SDC3: variants seen among roughly 807,000 people sequenced by gnomAD.
The protein encoded by SDC3 is syndecan 3.
SDC3 carries 13 observed loss-of-function variants against 24.4 expected under a neutral mutation model. The observed-to-expected ratio is 0.53, with a 90% CI of 0.35 to 0.85. SDC3 has a LOEUF of 0.85. SDC3 is among the 40% of genes least tolerant of loss of function. The pLI, the probability that SDC3 is intolerant of heterozygous loss-of-function variation, is 0.01. For missense variants in SDC3, 571 were observed against 584.5 expected (o/e 0.98, Z 0.24); for synonymous variants, 295 against 260.9 (o/e 1.13, Z -1.26).
intron 1 of SDC3, among the ~76,000 whole-genome samples, chr1:30,900,716 T>C (rs547675623): frequency 1.3e-5 from 2 of 152,230 alleles, no homozygotes; most frequent in East Asian, 1.9e-4. Flanking sequence ...CGCAATCGAA[T>C]TGGCAATCAG....
intron 1 of SDC3, among the ~76,000 whole-genome samples, chr1:30,886,180 G>C (rs958892873): frequency 2.0e-5 from 3 of 151,292 alleles, no homozygotes; most frequent in Non-Finnish European, 4.4e-5. Context: ...CTTCAGGCCT[G>C]TTCCTGCTTC....
chr1:30,893,286 CA>C (rs1639932832), intron 1 of SDC3, among the ~76,000 whole-genome samples: 11 of 80,414 alleles, frequency 1.4e-4, no homozygotes, highest in South Asian at 6.0e-4. Flanking sequence ...GGTCCATACC[CA>C]CCCCACCCAC....
At position 30,875,845 on chromosome 1, in the gene SDC3, T is replaced by C. The variant is rs187246198; in HGVS notation, c.870+707A>G. 7.9e-5 allele frequency among the ~76,000 whole-genome samples: 12 copies of C among 152,296 alleles called. No individual in the cohort carries two copies. The East Asian group carries it at 2.3e-3, about 29-fold the overall frequency. Reference sequence around the variant, plus strand: ...CTTCACCTCCCTGTGCACCCACAGTTGCTCGTCTGTAAAATGAGATGACCA... The same window carrying C: ...CTTCACCTCCCTGTGCACCCACAGTCGCTCGTCTGTAAAATGAGATGACCA... On this transcript the variant is annotated intron_variant, in intron 3 of 4. Coordinates refer to ENST00000339394, the MANE Select transcript of SDC3 (RefSeq NM_014654.4).
rs530692521 is a variant in SDC3 at position 30,884,097 on chromosome 1, C to T, written c.139-5357G>A. Among the ~76,000 whole-genome samples, 7 of 152,198 alleles carry T rather than the reference C, an allele frequency of 4.6e-5. No individual in the cohort carries two copies. In the South Asian group the frequency reaches 1.5e-3, roughly 32 times the overall value. On this transcript the variant is annotated intron_variant, in intron 1 of 4. Coordinates refer to ENST00000339394, the MANE Select transcript of SDC3 (RefSeq NM_014654.4). The stretch of plus-strand genomic sequence containing the variant: ...GGATGTCTCAGTCCCCACCCCCACC[C>T]AGCCACAGCTGCCCTGGCCAGGAAG...
At chr1:30,895,251 C>CT (rs757276165) in intron 1 of SDC3, among the ~76,000 whole-genome samples, 7 of 152,192 alleles carry the variant, frequency 4.6e-5, no homozygotes, top group Non-Finnish European at 1.0e-4. Flanking sequence ...ACGCAAACCC[C>CT]TAACCCAAAC....
intron 1 of SDC3, among the ~76,000 whole-genome samples, chr1:30,886,878 TG>T (rs1312874668): frequency 6.6e-6 from 1 of 152,150 alleles, no homozygotes; most frequent in African/African-American, 2.4e-5. Flanking sequence ...ATTTCACAGA[TG>T]GGCAAACTAA....
At chr1:30,898,983 C>A (rs1638345369) in intron 1 of SDC3, among the ~76,000 whole-genome samples, 1 of 152,248 alleles carries the variant, frequency 6.6e-6, no homozygotes, top group African/African-American at 2.4e-5. Flanking sequence ...CCTCCCACCA[C>A]TCCTCACCAC....
chr1:30,878,444 C>T (rs1263918159), intron 2 of SDC3, 179 bp downstream of exon 2: 2 of 582,638 alleles, frequency 3.4e-6, no homozygotes, highest in Non-Finnish European at 6.2e-6. Context: ...CTTGTTCTAT[C>T]CCCAGAAGGA....
intron 1 of SDC3, among the ~76,000 whole-genome samples, chr1:30,892,220 A>G (rs2124331617): frequency 6.6e-6 from 1 of 152,118 alleles, no homozygotes; most frequent in Non-Finnish European, 1.5e-5. Context: ...TCCACTCCTC[A>G]TGTGTCACCT....
At chr1:30,893,315 C>CCA (rs1553139124) in intron 1 of SDC3, among the ~76,000 whole-genome samples, 2 of 126,946 alleles carry the variant, frequency 1.6e-5, no homozygotes, top group African/African-American at 3.2e-5. Context: ...CCCCCCCCCC[C>CCA]CCACCATGTC....
intron 1 of SDC3, among the ~76,000 whole-genome samples, chr1:30,902,220 T>TA (rs1392112297): frequency 2.0e-5 from 3 of 151,918 alleles, no homozygotes; most frequent in South Asian, 2.1e-4. Flanking sequence ...AGCAGCCAGG[T>TA]AAAAAAAGGG....
In SDC3 at chr1:30,872,004, A is replaced by C. The variant is rs1263828923; in HGVS notation, c.*1207T>G. On this transcript the variant is annotated 3_prime_UTR_variant, in exon 5 of 5. Transcript: ENST00000339394. ...CTGTGGCCCCACACTTTTTCCGAGA[A>C]AGGCAAGGGCCTGCCTGTTTCCCTC... The C allele has an allele frequency of 1.3e-5, 2 of 152,374 alleles. No homozygotes were observed. Among genetic ancestry groups the C allele is most frequent in the East Asian group, 3.9e-4 (2 of 5,180 alleles). The allele number at this position is 152,374 out of a possible 1,614,324, so 9.4% of individuals were successfully genotyped here.
chr1:30,899,890 AC>A (rs1638377921), intron 1 of SDC3, among the ~76,000 whole-genome samples: 1 of 152,190 alleles, frequency 6.6e-6, no homozygotes, highest in Non-Finnish European at 1.5e-5. Context: ...GGCTTCATAT[AC>A]AGCAGGTGCT....
chr1:30,878,678 A>G lies in SDC3; in HGVS notation c.201T>C (p.Asp67=), dbSNP rs1639690557. 1 of 1,614,206 alleles carries G rather than the reference A, an allele frequency of 6.2e-7. No homozygotes were observed. Among genetic ancestry groups the G allele is most frequent in the Non-Finnish European group, 8.5e-7 (1 of 1,180,030 alleles). The change falls in exon 2 of 5, where the codon GAT becomes GAC. Residue 67 remains aspartate (D), a synonymous_variant. Coordinates refer to ENST00000339394, the MANE Select transcript of SDC3 (RefSeq NM_014654.4). The part of the protein sequence containing the change: ...RPVDLEGSGD[D]DSFPDDELDD... ...CCAGTTCATCATCGGGAAAGGAGTCATCATCCCCAGAGCCCTCCAGGTCCA... is the reference window on the plus strand; with the variant it reads ...CCAGTTCATCATCGGGAAAGGAGTCGTCATCCCCAGAGCCCTCCAGGTCCA...
chr1:30,905,869 CAA>C (rs1271346273), intron 1 of SDC3, among the ~76,000 whole-genome samples: 18 of 113,006 alleles, frequency 1.6e-4, no homozygotes, highest in African/African-American at 5.8e-4. Flanking sequence ...CACAGACACA[CAA>C]ACACACACAC....
intron 1 of SDC3, among the ~76,000 whole-genome samples, chr1:30,893,708 G>A (rs1009595251): frequency 3.3e-5 from 5 of 151,876 alleles, no homozygotes; most frequent in Non-Finnish European, 5.9e-5. Context: ...CCCTAGTGCC[G>A]AAGACTCTGA....
chr1:30,880,192 G>A lies in SDC3; in HGVS notation c.139-1452C>T, dbSNP rs553444632. On this transcript the variant is annotated intron_variant, in intron 1 of 4. Transcript: ENST00000339394. ...CCATCGACATGACAACCGTTACCAT[G>A]ACGACCATCTTCTCCATGCTAACGA... Among the ~76,000 whole-genome samples the A allele has an allele frequency of 4.6e-5, 7 of 152,164 alleles. No homozygotes were observed. The South Asian group carries it at 1.5e-3, about 32-fold the overall frequency.
chr1:30,877,545 G>T, intron 2 of SDC3: 1 of 458,294 alleles, frequency 2.2e-6, no homozygotes, highest in Non-Finnish European at 3.9e-6. Context: ...GGAAGAGTCA[G>T]ACCCCAAAGG....
At chr1:30,894,786 CA>C (rs1639977120) in intron 1 of SDC3, among the ~76,000 whole-genome samples, 1 of 151,692 alleles carries the variant, frequency 6.6e-6, no homozygotes, top group South Asian at 2.1e-4. Context: ...CAAGCACATT[CA>C]GGGGTATTTC....
Sources: allele counts gnomAD v4.1 joint callset (sites outside exome capture counted in the v4.1 genomes callset), GRCh38; gene constraint gnomAD v4.1.1; transcripts MANE v1.5; gene names NCBI Gene and HGNC (gene_info 2026-07-23, HGNC 2026-07-21).